MOSMO: variants seen among roughly 807,000 people sequenced by gnomAD.
MOSMO encodes the protein modulator of smoothened.
In MOSMO, 5 loss-of-function variants were observed where a neutral mutation model predicts 18.4. The ratio of observed to expected loss-of-function variants is 0.27; its 90% CI spans 0.14 to 0.57. MOSMO has a LOEUF of 0.57. Ranked by LOEUF, MOSMO falls within the 20% of genes least tolerant of loss-of-function variation. The pLI is 0.92. For synonymous variants in MOSMO, 82 were observed against 82.3 expected (o/e 1.00, Z 0.02); for missense variants, 138 against 211.8 (o/e 0.65, Z 2.16).
At chr16:22,076,307 C>G (rs1047092313) in intron 2 of MOSMO, 1 of 152,144 alleles carries the variant, frequency 6.6e-6, no homozygotes, top group African/African-American at 2.4e-5. Flanking sequence ...ACAGAAGAAA[C>G]AAAAATGCAC....
At chr16:22,048,622 GT>G (rs1459360209) in intron 1 of MOSMO, among the ~76,000 whole-genome samples, 1 of 151,902 alleles carries the variant, frequency 6.6e-6, no homozygotes, top group African/African-American at 2.4e-5. Flanking sequence ...TTAATGTTTG[GT>G]ACCTAGTCAT....
At position 22,080,926 on chromosome 16, in the gene MOSMO, ATTT is replaced by A; in HGVS notation, c.*51_*53del. 1.0e-6 allele frequency: 1 copy of A among 995,432 alleles called. No individual in the cohort carries two copies. Among genetic ancestry groups the A allele is most frequent in the Non-Finnish European group, 1.3e-6 (1 of 757,350 alleles). The allele number at this position is 995,432 out of a possible 1,614,324, so 61.7% of individuals were successfully genotyped here. A position where few individuals can be genotyped will look rare whatever the true frequency, so the allele number is the denominator to read the frequency against. Reference sequence around the variant, plus strand: ...CTCTTATTATTTTTTATTTTATTTTATTTTTTTATTTTTGGAGGGTGGAGAGGA... The same window carrying A: ...CTCTTATTATTTTTTATTTTATTTTATTTTATTTTTGGAGGGTGGAGAGGA... On this transcript the variant is annotated 3_prime_UTR_variant, in exon 3 of 3. Coordinates refer to ENST00000542527, the MANE Select transcript of MOSMO (RefSeq NM_001164579.2).
chr16:22,038,892 C>G (rs1447615139), intron 1 of MOSMO, among the ~76,000 whole-genome samples: 1 of 152,066 alleles, frequency 6.6e-6, no homozygotes, highest in Non-Finnish European at 1.5e-5. Context: ...CCAAAACTGA[C>G]ATGGGAGAAA....
At chr16:22,079,325 T>A (rs1901034101) in intron 2 of MOSMO, among the ~76,000 whole-genome samples, 1 of 152,220 alleles carries the variant, frequency 6.6e-6, no homozygotes, top group South Asian at 2.1e-4. Context: ...TAATCTGTCC[T>A]CACATTACAC....
rs1900948703 is a variant in MOSMO at position 22,075,548 on chromosome 16, C to T, written c.168C>T (p.Cys56=). The T allele has an allele frequency of 1.2e-5, 19 of 1,537,302 alleles. No homozygotes were observed. The highest frequency in any genetic ancestry group is 1.7e-5 in the Non-Finnish European group (19 of 1,146,916). ...CAATCCATGGACGAGACCGGACGTG[C>T]ATCCCTCCCCGGCTTCCCCCGGAGT... ...CQTIHGRDRT[C]IPPRLPPEWV... is the part of the protein sequence containing the mutation. The change falls in exon 2 of 3, where the codon TGC becomes TGT. Residue 56 remains cysteine (C), a synonymous_variant. Transcript: ENST00000542527.
At position 22,075,568 on chromosome 16, in the gene MOSMO, C is replaced by T. The variant is rs780392936; in HGVS notation, c.188C>T (p.Pro63Leu). Residue 63 changes from proline to leucine, a missense_variant, in exon 2 of 3, where the codon CCG becomes CTG. Transcript: ENST00000542527. The part of the protein sequence containing the change: ...DRTCIPPRLP[P>L]EWVTTLFFII... ...ACGTGCATCCCTCCCCGGCTTCCCC[C>T]GGAGTGGGTCACCACACTGTTTTTT... 49 of 1,537,176 alleles carry T rather than the reference C, an allele frequency of 3.2e-5. No individual in the cohort carries two copies. Among genetic ancestry groups the T allele is most frequent in the Admixed American group, 2.9e-4 (15 of 50,984 alleles).
intron 1 of MOSMO, among the ~76,000 whole-genome samples, chr16:22,066,979 G>A (rs1274077046): frequency 6.6e-6 from 1 of 152,144 alleles, no homozygotes; most frequent in Non-Finnish European, 1.5e-5. Context: ...TTATAAATAT[G>A]TTCCCCAAAA....
intron 1 of MOSMO, among the ~76,000 whole-genome samples, chr16:22,032,728 T>A (rs2141996272): frequency 6.6e-6 from 1 of 152,138 alleles, no homozygotes; most frequent in African/African-American, 2.4e-5. Flanking sequence ...TTAATTTTTT[T>A]ATAGAGATGG....
downstream of MOSMO, among the ~76,000 whole-genome samples, chr16:22,088,483 A>G (rs1452282213): frequency 6.6e-6 from 1 of 152,182 alleles, no homozygotes; most frequent in Non-Finnish European, 1.5e-5. Context: ...TGCTGCTGTG[A>G]ACTTAGGCCT....
At chr16:22,050,667 A>G (rs767969832) in intron 1 of MOSMO, among the ~76,000 whole-genome samples, 2 of 152,140 alleles carry the variant, frequency 1.3e-5, no homozygotes, top group Non-Finnish European at 2.9e-5. Flanking sequence ...AGGCAGGAGG[A>G]TCACTTGAGG....
chr16:22,019,004 C>T (rs1899698653), intron 1 of MOSMO, among the ~76,000 whole-genome samples: 1 of 152,158 alleles, frequency 6.6e-6, no homozygotes, highest in African/African-American at 2.4e-5. Flanking sequence ...CTTTTCTAGA[C>T]ACTTTACATG....
chr16:22,027,880 C>G (rs1899908340), intron 1 of MOSMO, among the ~76,000 whole-genome samples: 1 of 152,138 alleles, frequency 6.6e-6, no homozygotes, highest in African/African-American at 2.4e-5. Context: ...CCTTTGGGGA[C>G]AGTTGCCTCA....
intron 1 of MOSMO, among the ~76,000 whole-genome samples, chr16:22,065,960 A>C (rs1242647745): frequency 6.6e-6 from 1 of 152,226 alleles, no homozygotes; most frequent in African/African-American, 2.4e-5. Context: ...AGCTTGCAAC[A>C]ATTGAAGGAG....
At chr16:22,045,663 TAAGTATA>T in intron 1 of MOSMO, among the ~76,000 whole-genome samples, 1 of 152,346 alleles carries the variant, frequency 6.6e-6, no homozygotes, top group Middle Eastern at 3.4e-3. Flanking sequence ...TGCTCAACTG[TAAGTATA>T]ATTAATGCAT....
chr16:22,046,370 G>A (rs150176440), intron 1 of MOSMO, among the ~76,000 whole-genome samples: 2 of 152,160 alleles, frequency 1.3e-5, no homozygotes, highest in African/African-American at 2.4e-5. Flanking sequence ...AATAGGGTTA[G>A]GTTCCTGCAG....
Position 22,029,392 on chromosome 16 carries a change from G to A in MOSMO, c.106+20985G>A, listed in dbSNP as rs1567502867. On this transcript the variant is annotated intron_variant, in intron 1 of 2. Coordinates refer to ENST00000542527, the MANE Select transcript of MOSMO (RefSeq NM_001164579.2). ...GGGAAGAAATCCAGCATACCTTACT[G>A]TCATGTATGTCATTGTAGATCTTAT... 2.0e-5 allele frequency among the ~76,000 whole-genome samples: 3 copies of A among 152,244 alleles called. No individual in the cohort carries two copies. The South Asian group carries it at 6.2e-4, about 32-fold the overall frequency.
chr16:22,027,610 C>T (rs1899902066), intron 1 of MOSMO, among the ~76,000 whole-genome samples: 1 of 152,122 alleles, frequency 6.6e-6, no homozygotes, highest in Admixed American at 6.5e-5. Flanking sequence ...GTTTTCTCCT[C>T]CAGATTTATG....
intron 1 of MOSMO, among the ~76,000 whole-genome samples, chr16:22,074,107 C>T (rs1310171949): frequency 6.6e-6 from 1 of 152,150 alleles, no homozygotes; most frequent in Non-Finnish European, 1.5e-5. Context: ...CCCACCTAGC[C>T]ACACGTGCAC....
At chr16:22,054,730 C>T (rs1900499084) in intron 1 of MOSMO, among the ~76,000 whole-genome samples, 1 of 152,148 alleles carries the variant, frequency 6.6e-6, no homozygotes, top group Non-Finnish European at 1.5e-5. Context: ...TCAGGCCCTA[C>T]CTGTGATAGG....
Sources: gnomAD v4.1 joint callset for allele counts (sites outside exome capture counted in the v4.1 genomes callset) on GRCh38, gnomAD v4.1.1 for gene constraint, MANE v1.5 for transcripts, NCBI Gene and HGNC (gene_info 2026-07-23, HGNC 2026-07-21) for gene names.